Variants in LCMT1 observed in about 807,000 individuals in gnomAD.
LCMT1 encodes the protein leucine carboxyl methyltransferase 1.
Under a neutral mutation model 47.7 loss-of-function variants are expected in LCMT1, and 32 were observed. The observed-to-expected ratio is 0.67, with a 90% CI of 0.51 to 0.90. The LOEUF (loss-of-function observed/expected upper bound fraction) is 0.90. Among genes scored for constraint, LCMT1 ranks in the 40% least tolerant of loss-of-function variants. The pLI is 0.00. For synonymous variants in LCMT1, 152 were observed against 149.7 expected, an observed-to-expected ratio of 1.02 and a Z score of -0.11; for missense variants, 375 against 415.2, an observed-to-expected ratio of 0.90 and a Z score of 0.84.
intron 2 of LCMT1, among the ~76,000 whole-genome samples, chr16:25,131,650 T>G (rs1384131398): frequency 1.3e-5 from 2 of 152,352 alleles, no homozygotes; most frequent in African/African-American, 4.8e-5. Flanking sequence ...CAGCATAGTT[T>G]TAGAGCACAG....
At chr16:25,117,394 T>C (rs545216425) in intron 1 of LCMT1, among the ~76,000 whole-genome samples, 4 of 152,362 alleles carry the variant, frequency 2.6e-5, no homozygotes, top group Non-Finnish European at 4.4e-5. Context: ...TACCTTTTCA[T>C]GATCTGCTCA....
chr16:25,152,231 G>GA (rs1961104064), intron 5 of LCMT1, among the ~76,000 whole-genome samples: 1 of 152,172 alleles, frequency 6.6e-6, no homozygotes, highest in Non-Finnish European at 1.5e-5. Context: ...AGTTGGGTTG[G>GA]ATGACAGCAG....
intron 1 of LCMT1, among the ~76,000 whole-genome samples, chr16:25,113,178 GA>G (rs1272794306): frequency 6.7e-6 from 1 of 148,988 alleles, no homozygotes; most frequent in Non-Finnish European, 1.5e-5. Context: ...GAAAAGGCTT[GA>G]AAAATAGGAA....
chr16:25,116,665 G>T (rs1959794546), intron 1 of LCMT1, among the ~76,000 whole-genome samples: 1 of 148,646 alleles, frequency 6.7e-6, no homozygotes, highest in African/African-American at 2.5e-5. Context: ...CGGATCACTT[G>T]AGCTCAGGAG....
chr16:25,174,824 G>A (rs192802804), intron 9 of LCMT1, 113 bp from the exon 10 acceptor site: 4 of 452,090 alleles, frequency 8.8e-6, no homozygotes, highest in South Asian at 5.6e-5. Flanking sequence ...TTTTATAGCC[G>A]CCTTCTTTCC....
intron 3 of LCMT1, among the ~76,000 whole-genome samples, chr16:25,134,089 C>T (rs916607302): frequency 2.1e-5 from 3 of 143,682 alleles, no homozygotes; most frequent in Non-Finnish European, 4.5e-5. Context: ...TAGGTTTGTA[C>T]AGATTTTGCT....
chr16:25,151,483 A>T, intron 4 of LCMT1, 71 bp from the exon 5 acceptor site: 1 of 1,262,654 alleles, frequency 7.9e-7, no homozygotes. Flanking sequence ...GCATTTGTGC[A>T]GTAAATGAGC....
intron 3 of LCMT1, among the ~76,000 whole-genome samples, chr16:25,136,928 A>T (rs1026062505): frequency 1.3e-5 from 2 of 152,178 alleles, no homozygotes; most frequent in Non-Finnish European, 2.9e-5. Flanking sequence ...GTTCTAATGC[A>T]TGGGAAAGCT....
intron 2 of LCMT1, 135 bp from the exon 3 acceptor site, chr16:25,132,267 G>T (rs1056143959): frequency 3.8e-6 from 4 of 1,054,770 alleles, no homozygotes; most frequent in Non-Finnish European, 5.5e-6. Context: ...CTCCCATAGA[G>T]TCTGCAGATT....
chr16:25,141,852 T>A (rs1960704028), intron 4 of LCMT1: 1 of 152,256 alleles, frequency 6.6e-6, no homozygotes, highest in African/African-American at 2.4e-5. Flanking sequence ...CTGTACTAGT[T>A]GCCAGTGTTT....
chr16:25,165,622 A>T (rs971557767), intron 7 of LCMT1, among the ~76,000 whole-genome samples: 12 of 151,602 alleles, frequency 7.9e-5, no homozygotes, highest in African/African-American at 2.4e-4. Flanking sequence ...GGTTCAAGCG[A>T]TTCTCCTGCC....
chr16:25,127,068 T>G (rs546588933), intron 1 of LCMT1, among the ~76,000 whole-genome samples: 1 of 152,282 alleles, frequency 6.6e-6, no homozygotes, highest in African/African-American at 2.4e-5. Context: ...CAACACACAC[T>G]TGAAACAAAA....
intron 1 of LCMT1, among the ~76,000 whole-genome samples, chr16:25,116,747 A>G (rs1959799519): frequency 1.3e-5 from 2 of 151,666 alleles, no homozygotes. Context: ...ACAAAAAATT[A>G]ACCAGTGTCG....
chr16:25,169,094 C>A lies in LCMT1; in HGVS notation c.691-18C>A, dbSNP rs772163841. ...GGAAACCCTTAGAGTAATATCTTAC[C>A]TTCTCTTTCCCTCCTAGGTGAACAT... On this transcript the variant is annotated intron_variant, in intron 7 of 10. Transcript: ENST00000399069. 218 of 1,559,040 alleles carry A rather than the reference C, an allele frequency of 1.4e-4. No homozygotes were observed. The highest frequency in any genetic ancestry group is 1.9e-4 in the Non-Finnish European group (215 of 1,131,068).
At chr16:25,141,906 G>A (rs1409583561) in intron 4 of LCMT1, 1 of 152,198 alleles carries the variant, frequency 6.6e-6, no homozygotes, top group Non-Finnish European at 1.5e-5. Flanking sequence ...AGTATGCAAA[G>A]CCATCCCAAG....
chr16:25,164,953 T>A (rs1255114139), intron 7 of LCMT1, among the ~76,000 whole-genome samples: 2 of 152,226 alleles, frequency 1.3e-5, no homozygotes. Flanking sequence ...TTCAAGTTCT[T>A]ATTTTTATCA....
At chr16:25,149,201 A>G (rs1027777004) in intron 4 of LCMT1, among the ~76,000 whole-genome samples, 1 of 152,230 alleles carries the variant, frequency 6.6e-6, no homozygotes, top group African/African-American at 2.4e-5. Context: ...GTGGCCCAAC[A>G]CAAATTCGTA....
In LCMT1 at chr16:25,111,973, C is replaced by A; in HGVS notation, c.90C>A (p.Cys30Ter). ...ACGACGAGGGCGTGCGCGGCACCTG[C>A]GAAGATGCTTCCCTGTGCAAGAGGT... ...DADDEGVRGT[C>*]EDASLCKRFA... The change falls in exon 1 of 11, where the codon TGC becomes TGA. Residue 30 changes from cysteine (C) to a stop codon, truncating the protein, a stop_gained. Transcript: ENST00000399069. LOFTEE classifies it high-confidence loss of function. 6.2e-7 allele frequency: 1 copy of A among 1,613,206 alleles called. No homozygotes were observed. Among genetic ancestry groups the A allele is most frequent in the Non-Finnish European group, 8.5e-7 (1 of 1,179,468 alleles).
intron 2 of LCMT1, among the ~76,000 whole-genome samples, chr16:25,131,850 T>A (rs6497809): frequency 0.74 from 112,277 of 152,054 alleles, 41,562 homozygotes; most frequent in Middle Eastern, 0.78. Flanking sequence ...AATTTTTGTG[T>A]TTTTAGTAGC....
Sources: gnomAD v4.1 joint callset for allele counts (sites outside exome capture counted in the v4.1 genomes callset) on GRCh38, gnomAD v4.1.1 for gene constraint, MANE v1.5 for transcripts, NCBI Gene and HGNC (gene_info 2026-07-23, HGNC 2026-07-21) for gene names.